Variants in WDR1 observed in about 807,000 individuals in gnomAD.
WDR1 encodes WD repeat-containing protein 1.
In WDR1, 21 loss-of-function variants were observed where a neutral mutation model predicts 71.9. The observed-to-expected ratio is 0.29, with a 90% confidence interval of 0.21 to 0.42. The LOEUF is 0.42. WDR1 is among the 10% of genes least tolerant of loss of function. WDR1 has a pLI of 1.00. For missense variants in WDR1, 696 were observed against 824.5 expected (o/e 0.84, Z 1.91); for synonymous variants, 424 against 347.4 (o/e 1.22, Z -2.45).
At chr4:10,084,891 G>A (rs1004196567) in intron 8 of WDR1, among the ~76,000 whole-genome samples, 1 of 152,208 alleles carries the variant, frequency 6.6e-6, no homozygotes, top group Non-Finnish European at 1.5e-5. Context: ...AGCACCCGTC[G>A]CGGGGAGCCA....
In WDR1 at chr4:10,082,104, T is replaced by G. The variant is rs1209585362; in HGVS notation, c.1197-660A>C. Among the ~76,000 whole-genome samples, 3 of 151,904 alleles carry G rather than the reference T, an allele frequency of 2.0e-5. No homozygotes were observed. The East Asian group carries it at 5.8e-4, about 29-fold the overall frequency. On this transcript the variant is annotated intron_variant, in intron 10 of 14. Transcript: ENST00000499869. ...ACCCTTTTATGGGACGTGTTAAGAG[T>G]GGGGTCACCACAGGGCAGTAGAAAG...
At chr4:10,088,899 G>C (rs1305360414) in intron 5 of WDR1, among the ~76,000 whole-genome samples, 158 bp from the exon 6 acceptor site, 1 of 152,256 alleles carries the variant, frequency 6.6e-6, no homozygotes, top group Non-Finnish European at 1.5e-5. Flanking sequence ...ATCCTGGGCA[G>C]TCCCTTAGTG....
chr4:10,077,252 T>C, intron 14 of WDR1, 52 bp downstream of exon 14: 1 of 1,608,988 alleles, frequency 6.2e-7, no homozygotes, highest in South Asian at 1.1e-5. Flanking sequence ...AGGTGGCCCA[T>C]GGAGCCCCGA....
intron 5 of WDR1, among the ~76,000 whole-genome samples, chr4:10,089,060 A>C (rs1160197180): frequency 6.6e-6 from 1 of 152,088 alleles, no homozygotes; most frequent in Non-Finnish European, 1.5e-5. Flanking sequence ...CTGGGCTCTG[A>C]AAGAGCTCAA....
Position 10,075,339 on chromosome 4 carries a change from T to A in WDR1, c.*39A>T, listed in dbSNP as rs956763552. 21 of 1,579,558 alleles carry A rather than the reference T, an allele frequency of 1.3e-5. No individual in the cohort carries two copies. Among genetic ancestry groups the A allele is most frequent in the Non-Finnish European group, 1.7e-5 (20 of 1,150,080 alleles). ...ATGTTCCGCTGCAGTTAAACTCTAG[T>A]CCCTGATTCGGTCCATCCAGAGGCG... On this transcript the variant is annotated 3_prime_UTR_variant, in exon 15 of 15. Transcript: ENST00000499869.
intron 3 of WDR1, 130 bp downstream of exon 3, chr4:10,103,766 C>T: frequency 1.7e-6 from 1 of 573,876 alleles, no homozygotes; most frequent in East Asian, 3.7e-5. Flanking sequence ...ACTCACCACC[C>T]CCAGCCTGCT....
At chr4:10,088,487 T>G in intron 6 of WDR1, 114 bp from the exon 7 acceptor site, 3 of 1,229,452 alleles carry the variant, frequency 2.4e-6, no homozygotes, top group South Asian at 1.3e-5. Flanking sequence ...AAGCTCCCAG[T>G]GTGGTTTAAA....
chr4:10,106,122 C>T (rs557548478), intron 2 of WDR1, among the ~76,000 whole-genome samples: 34 of 76,556 alleles, frequency 4.4e-4, no homozygotes, highest in Admixed American at 1.7e-3. Flanking sequence ...GTGGCGGGGG[C>T]GGGGGGCACC....
chr4:10,081,624 CAA>C (rs1437089123), intron 10 of WDR1, among the ~76,000 whole-genome samples, 180 bp from the exon 11 acceptor site: 4 of 124,294 alleles, frequency 3.2e-5, no homozygotes, highest in South Asian at 2.4e-4. Context: ...GACTCTGGTG[CAA>C]AGAGATTATA....
At chr4:10,080,380 C>T (rs1386215738) in intron 11 of WDR1, among the ~76,000 whole-genome samples, 6 of 152,196 alleles carry the variant, frequency 3.9e-5, no homozygotes, top group African/African-American at 1.4e-4. Flanking sequence ...TCTAGAACTC[C>T]GCTTTGTAGC....
intron 2 of WDR1, among the ~76,000 whole-genome samples, chr4:10,109,700 C>A (rs1463496625): frequency 1.3e-5 from 2 of 152,242 alleles, no homozygotes; most frequent in Non-Finnish European, 2.9e-5. Context: ...CGTTTTCAGT[C>A]TTCCCCTCTC....
At chr4:10,083,697 C>T (rs1023609547) in intron 9 of WDR1, 7 of 460,486 alleles carry the variant, frequency 1.5e-5, no homozygotes, top group Admixed American at 7.0e-5. Flanking sequence ...GTGCCATCAT[C>T]AGCAACGTGT....
Position 10,087,884 on chromosome 4 carries a change from G to A in WDR1, c.774C>T (p.Ser258=), listed in dbSNP as rs779011846. ...HLLSASGDKT[S]KIWDVSVNSV... ...AGTTCACGCTGACGTCCCAAATCTT[G>A]GAAGTTTTGTCCCCAGAAGCAGAAA... The change falls in exon 8 of 15, where the codon TCC becomes TCT. Residue 258 remains serine (S), a synonymous_variant. Coordinates refer to ENST00000499869, the MANE Select transcript of WDR1 (RefSeq NM_017491.5). 37 of 1,564,560 alleles carry A rather than the reference G, an allele frequency of 2.4e-5. No homozygotes were observed. The East Asian group carries it at 8.3e-4, about 35-fold the overall frequency.
In WDR1 at chr4:10,087,920, G is replaced by A; in HGVS notation, c.738C>T (p.Ser246=). ...GIYAISWSPD[S]THLLSASGDK... ...CCCCAGAAGCAGAAAGCAAATGGGT[G>A]CTGTCGGGACTCCAACTAATCTATT... is the stretch of plus-strand genomic sequence containing the variant. Residue 246 remains serine (S), a synonymous_variant, in exon 8 of 15, where the codon AGC becomes AGT. Coordinates refer to ENST00000499869, the MANE Select transcript of WDR1 (RefSeq NM_017491.5). 1.3e-6 allele frequency: 2 copies of A among 1,556,236 alleles called. No individual in the cohort carries two copies. Among genetic ancestry groups the A allele is most frequent in the Non-Finnish European group, 1.7e-6 (2 of 1,149,182 alleles).
At chr4:10,116,589 G>T (rs1713754265) in intron 1 of WDR1, 62 bp downstream of exon 1, 21 of 1,139,854 alleles carry the variant, frequency 1.8e-5, no homozygotes, top group Non-Finnish European at 2.3e-5. Flanking sequence ...GCGCCTAGGG[G>T]CCGGGGACCG....
In WDR1 at chr4:10,114,436, T is replaced by C. The variant is rs567303389; in HGVS notation, c.138+1677A>G. On this transcript the variant is annotated intron_variant, in intron 2 of 14. Transcript: ENST00000499869. ...ACTCCTCTTTAGAGTAACGGACCCA[T>C]GTGGGGTGGAAAGAGATGCTACAGT... is the stretch of plus-strand genomic sequence containing the variant. Among the ~76,000 whole-genome samples, 19 of 152,258 alleles carry C rather than the reference T, an allele frequency of 1.2e-4. No individual in the cohort carries two copies. In the South Asian group the frequency reaches 2.9e-3, roughly 23 times the overall value.
At position 10,090,404 on chromosome 4, in the gene WDR1, C is replaced by T. The variant is rs550094509; in HGVS notation, c.559-1663G>A. On this transcript the variant is annotated intron_variant, in intron 5 of 14. Transcript: ENST00000499869. ...AAATCGATGTCCCCACAAAGTCCGT[C>T]AGAGTCAGCAGAAGATACAGACACC... Among the ~76,000 whole-genome samples the T allele has an allele frequency of 7.2e-5, 11 of 152,302 alleles. 1 individual carries two copies. The highest frequency in any genetic ancestry group is 2.6e-4 in the African/African-American group (11 of 41,562).
At chr4:10,081,235 G>T in intron 11 of WDR1, 122 bp downstream of exon 11, 1 of 816,756 alleles carries the variant, frequency 1.2e-6, no homozygotes, top group Non-Finnish European at 2.0e-6. Context: ...TTAGTGCAGT[G>T]CAAATGAGCA....
chr4:10,113,084 G>C (rs773481299), intron 2 of WDR1, among the ~76,000 whole-genome samples: 1 of 152,252 alleles, frequency 6.6e-6, no homozygotes, highest in Non-Finnish European at 1.5e-5. Context: ...GGCCTAGTGT[G>C]GTGGCTCACG....
Sources: allele counts gnomAD v4.1 joint callset (sites outside exome capture counted in the v4.1 genomes callset), GRCh38; gene constraint gnomAD v4.1.1; transcripts MANE v1.5; gene names NCBI Gene and HGNC (gene_info 2026-07-23, HGNC 2026-07-21).